The following HIPK2 variants were observed in gnomAD, a reference collection of about 807,000 sequenced individuals.
The protein encoded by HIPK2 is homeodomain-interacting protein kinase 2.
Under a neutral mutation model 113.7 loss-of-function variants are expected in HIPK2, and 27 were observed. The ratio of observed to expected loss-of-function variants is 0.24; its 90% CI spans 0.17 to 0.33. The LOEUF (loss-of-function observed/expected upper bound fraction) is 0.33, where lower values mean the gene tolerates loss of function less well. Among genes scored for constraint, HIPK2 ranks in the 10% least tolerant of loss-of-function variants. The probability of loss-of-function intolerance (pLI) is 1.00; values close to 1 mark genes in which losing one functional copy is unlikely to be tolerated. For missense variants in HIPK2, 1,257 were observed against 1,588.0 expected (o/e 0.79, Z 3.54); for synonymous variants, 631 against 642.2 (o/e 0.98, Z 0.26).
At chr7:139,775,892 G>A (rs921035448) in intron 1 of HIPK2, among the ~76,000 whole-genome samples, 2 of 152,092 alleles carry the variant, frequency 1.3e-5, no homozygotes, top group East Asian at 1.9e-4. Context: ...TCACATACCC[G>A]GTCCCTAGTA....
intron 2 of HIPK2, among the ~76,000 whole-genome samples, chr7:139,640,378 C>T (rs564492995): frequency 6.6e-6 from 1 of 152,272 alleles, no homozygotes; most frequent in South Asian, 2.1e-4. Context: ...GGAATGGCCT[C>T]CAGTGGAGGT....
rs140745939 is a variant in HIPK2, at chr7:139,773,507, G to A, written c.19+4098C>T. The stretch of plus-strand genomic sequence containing the variant: ...ACCAGAAAGCACAGGCGAATTACAC[G>A]TTCAGAGAACAATAAGAAATGCTCA... On this transcript the variant is annotated intron_variant, in intron 1 of 14. Transcript: ENST00000406875. Among the ~76,000 whole-genome samples the A allele has an allele frequency of 2.6e-3, 401 of 152,212 alleles. 1 individual carries two copies. Among genetic ancestry groups the A allele is most frequent in the Non-Finnish European group, 4.3e-3 (292 of 68,020 alleles).
rs1799128426 is a variant in HIPK2 at position 139,594,443 on chromosome 7, TCATATTTCCCCA to T, written c.2717+2262_2717+2273del. ...AATTCTGACTTCTAAGAACAAGTAA[TCATATTTCCCCA>T]CATTTTTTTTTTCTGATCCCAAAAT... On this transcript the variant is annotated intron_variant, in intron 12 of 14. Coordinates refer to ENST00000406875, the MANE Select transcript of HIPK2 (RefSeq NM_022740.5). Among the ~76,000 whole-genome samples the T allele has an allele frequency of 3.3e-5, 5 of 152,290 alleles. No individual in the cohort carries two copies. In the South Asian group the frequency reaches 1.0e-3, roughly 32 times the overall value.
chr7:139,598,621 C>T (rs897333250), intron 11 of HIPK2, among the ~76,000 whole-genome samples: 2 of 152,292 alleles, frequency 1.3e-5, no homozygotes, highest in South Asian at 2.1e-4. Context: ...ACATACCTTT[C>T]ACTATAATTA....
chr7:139,673,984 T>C (rs1802403781), intron 2 of HIPK2, among the ~76,000 whole-genome samples: 1 of 145,840 alleles, frequency 6.9e-6, no homozygotes, highest in Non-Finnish European at 1.5e-5. Context: ...GGCAGAACAA[T>C]CGTTTGAGCT....
At chr7:139,669,853 T>C (rs1478286976) in intron 2 of HIPK2, among the ~76,000 whole-genome samples, 1 of 152,222 alleles carries the variant, frequency 6.6e-6, no homozygotes, top group African/African-American at 2.4e-5. Context: ...ATGGTGGTCA[T>C]ATGGCAATGA....
At chr7:139,652,916 G>C (rs1324900475) in intron 2 of HIPK2, among the ~76,000 whole-genome samples, 1 of 152,060 alleles carries the variant, frequency 6.6e-6, no homozygotes, top group Non-Finnish European at 1.5e-5. Flanking sequence ...GCCGGGGTGG[G>C]TGGATCATTT....
At chr7:139,679,004 T>C (rs1009836236) in intron 2 of HIPK2, among the ~76,000 whole-genome samples, 2 of 152,232 alleles carry the variant, frequency 1.3e-5, no homozygotes, top group Non-Finnish European at 2.9e-5. Flanking sequence ...TTTCTGCACA[T>C]TGATTTTGTA....
chr7:139,591,986 G>T (rs1799041910), intron 12 of HIPK2, among the ~76,000 whole-genome samples: 1 of 152,230 alleles, frequency 6.6e-6, no homozygotes. Context: ...AGTGTGTGTG[G>T]TTTTTGCTCC....
rs1173644380 is a variant in HIPK2, at chr7:139,567,003, T to G, written c.*5924A>C. On this transcript the variant is annotated 3_prime_UTR_variant, in exon 15 of 15. Coordinates refer to ENST00000406875, the MANE Select transcript of HIPK2 (RefSeq NM_022740.5). Reference sequence around the variant, plus strand: ...GTTCTTTTTTGAACTTTTCAGAAGCTGCAACAAGAGAAACCTCTACTATGC... The same window carrying G: ...GTTCTTTTTTGAACTTTTCAGAAGCGGCAACAAGAGAAACCTCTACTATGC... The G allele has an allele frequency of 6.6e-6, 1 of 152,192 alleles. No homozygotes were observed. Among genetic ancestry groups the G allele is most frequent in the Non-Finnish European group, 1.5e-5 (1 of 68,038 alleles). The allele number at this position is 152,192 out of a possible 1,614,324, so 9.4% of individuals were successfully genotyped here. A position where few individuals can be genotyped will look rare whatever the true frequency, so the allele number is the denominator to read the frequency against.
At chr7:139,664,755 T>C (rs1007009967) in intron 2 of HIPK2, among the ~76,000 whole-genome samples, 9 of 152,220 alleles carry the variant, frequency 5.9e-5, no homozygotes, top group African/African-American at 2.2e-4. Flanking sequence ...TTAACTTAGG[T>C]GCCCCTTTGA....
intron 2 of HIPK2, among the ~76,000 whole-genome samples, chr7:139,664,945 A>G (rs1038842320): frequency 3.3e-5 from 5 of 152,194 alleles, no homozygotes; most frequent in African/African-American, 1.2e-4. Flanking sequence ...TCTGACCTTA[A>G]TACAGAGTGT....
At chr7:139,670,744 TTTC>T (rs770386846) in intron 2 of HIPK2, among the ~76,000 whole-genome samples, 3,724 of 73,752 alleles carry the variant, frequency 0.05, 127 homozygotes, top group East Asian at 0.2. Context: ...TCTTTCTTTC[TTTC>T]TTTCTTTCTT....
In HIPK2 at chr7:139,630,856, T is replaced by C. The variant is rs1800586909; in HGVS notation, c.1347+309A>G. Reference sequence around the variant, plus strand: ...TGTGGCACATGGTCCTGTCTCCCTCTGGACTGCCAGCTCTCAAGGGCAGAG... The same window carrying C: ...TGTGGCACATGGTCCTGTCTCCCTCCGGACTGCCAGCTCTCAAGGGCAGAG... On this transcript the variant is annotated intron_variant, in intron 4 of 14. Coordinates refer to ENST00000406875, the MANE Select transcript of HIPK2 (RefSeq NM_022740.5). The surrounding 1 kb of genome is among the most constrained non-coding windows in gnomAD (Gnocchi z 4.0). Among the ~76,000 whole-genome samples the C allele has an allele frequency of 6.6e-6, 1 of 152,258 alleles. No individual in the cohort carries two copies.
chr7:139,575,876 C>A (rs1057135892), intron 13 of HIPK2, among the ~76,000 whole-genome samples: 2 of 152,238 alleles, frequency 1.3e-5, no homozygotes, highest in African/African-American at 4.8e-5. Context: ...TTTTGTCCTT[C>A]TGCCTCCTGT....
intron 2 of HIPK2, among the ~76,000 whole-genome samples, chr7:139,704,355 A>C (rs1371017687): frequency 1.7e-4 from 17 of 99,490 alleles, no homozygotes; most frequent in African/African-American, 5.6e-4. Context: ...CACCACACAC[A>C]CTATACCCAA....
intron 2 of HIPK2, among the ~76,000 whole-genome samples, chr7:139,709,685 C>G (rs1795006069): frequency 6.6e-6 from 1 of 152,152 alleles, no homozygotes; most frequent in African/African-American, 2.4e-5. Flanking sequence ...ACAGTCACAG[C>G]TGACATTCTA....
intron 2 of HIPK2, among the ~76,000 whole-genome samples, chr7:139,648,581 A>T (rs1801330073): frequency 6.6e-6 from 1 of 152,140 alleles, no homozygotes; most frequent in South Asian, 2.1e-4. Flanking sequence ...CATGGGAGTG[A>T]GCATCATTCC....
rs1187050333 is a variant in HIPK2, at chr7:139,620,426, T to C, written c.1757A>G (p.Asn586Ser). The change falls in exon 7 of 15, where the codon AAC (asparagine) becomes AGC (serine). Residue 586 changes from asparagine to serine, a missense_variant. Physicochemically the swap from Asn to Ser is conservative, Grantham distance 46. This residue lies in a region of HIPK2 where 862 missense variants were observed against 1,004.3 expected (regional missense o/e 0.86). Transcript: ENST00000406875. Reference sequence around the variant, plus strand: ...CTGGTTGTGGACAGTGGTCAGCTGGTTGTTAAAGGTCATGGTCAGGTTGGT... The same window carrying C: ...CTGGTTGTGGACAGTGGTCAGCTGGCTGTTAAAGGTCATGGTCAGGTTGGT... ...TSTNLTMTFN[N>S]QLTTVHNQAP... 1 of 1,613,944 alleles carries C rather than the reference T, an allele frequency of 6.2e-7. No homozygotes were observed. Among genetic ancestry groups the C allele is most frequent in the East Asian group, 2.2e-5 (1 of 44,864 alleles).
Sources: gnomAD v4.1 joint callset for allele counts (sites outside exome capture counted in the v4.1 genomes callset) on GRCh38, gnomAD v4.1.1 for gene constraint, gnomAD v4.1.1 regional missense constraint, Gnocchi (gnomAD v3.1) non-coding constraint, MANE v1.5 for transcripts, NCBI Gene and HGNC (gene_info 2026-07-23, HGNC 2026-07-21) for gene names.